ARL15: variants seen among roughly 807,000 people sequenced by gnomAD.
ARL15 encodes the protein ARF like GTPase 15.
Under a neutral mutation model 25.2 loss-of-function variants are expected in ARL15, and 19 were observed. The ratio of observed to expected loss-of-function variants is 0.75; its 90% confidence interval spans 0.53 to 1.10. The LOEUF (loss-of-function observed/expected upper bound fraction) is 1.10, where lower values mean the gene tolerates loss of function less well. ARL15 is among the 50% of genes least tolerant of loss of function. The pLI, the probability that ARL15 is intolerant of heterozygous loss-of-function variation, is 0.00. For missense variants in ARL15, 220 were observed against 246.0 expected, an observed-to-expected ratio of 0.89 and a Z score of 0.71; for synonymous variants, 94 against 86.8, an observed-to-expected ratio of 1.08 and a Z score of -0.46.
chr5:53,947,710 T>C (rs1442695076), intron 4 of ARL15, among the ~76,000 whole-genome samples: 1 of 152,126 alleles, frequency 6.6e-6, no homozygotes, highest in African/African-American at 2.4e-5. Flanking sequence ...CGAGGTCTAA[T>C]TAGAGACGGT....
chr5:54,248,027 A>C (rs563457445), intron 1 of ARL15, among the ~76,000 whole-genome samples: 2 of 152,028 alleles, frequency 1.3e-5, no homozygotes, highest in South Asian at 4.2e-4. Context: ...TATTTGATTA[A>C]AAAAAAATTA....
intron 1 of ARL15, among the ~76,000 whole-genome samples, chr5:54,223,764 A>T (rs572665589): frequency 6.6e-6 from 1 of 152,302 alleles, no homozygotes; most frequent in East Asian, 1.9e-4. Context: ...AAAAATTTAC[A>T]ATCTACCTCC....
chr5:54,255,902 G>C (rs1171439360), intron 1 of ARL15, among the ~76,000 whole-genome samples: 2 of 151,812 alleles, frequency 1.3e-5, no homozygotes, highest in East Asian at 3.9e-4. Flanking sequence ...AAAACCTCTG[G>C]GATACAGCAA....
At chr5:53,986,986 G>C (rs561897087) in intron 4 of ARL15, among the ~76,000 whole-genome samples, 40 of 152,246 alleles carry the variant, frequency 2.6e-4, no homozygotes, top group Non-Finnish European at 5.3e-4. Flanking sequence ...GGGTAGGGTG[G>C]TACAAAAGAA....
At chr5:54,023,957 A>G (rs914099902) in intron 4 of ARL15, among the ~76,000 whole-genome samples, 1 of 152,158 alleles carries the variant, frequency 6.6e-6, no homozygotes, top group Non-Finnish European at 1.5e-5. Context: ...AAAATCATTT[A>G]CTACTCTCCT....
chr5:54,075,838 G>A (rs1466904573), intron 4 of ARL15, among the ~76,000 whole-genome samples: 1 of 152,092 alleles, frequency 6.6e-6, no homozygotes, highest in Admixed American at 6.6e-5. Flanking sequence ...TTGTATTTAA[G>A]TTATACCCTT....
intron 2 of ARL15, 21 bp downstream of exon 2, chr5:54,171,763 G>A (rs1457484553): frequency 1.3e-6 from 2 of 1,592,378 alleles, no homozygotes; most frequent in Admixed American, 1.7e-5. Context: ...AGAAGGGACA[G>A]AACCCCAGCA....
chr5:53,984,832 A>C (rs1748236427), intron 4 of ARL15, among the ~76,000 whole-genome samples: 1 of 152,094 alleles, frequency 6.6e-6, no homozygotes, highest in Admixed American at 6.6e-5. Context: ...TTCATTTTCA[A>C]AGTGATTCCT....
At chr5:53,958,562 T>C (rs1028370356) in intron 4 of ARL15, among the ~76,000 whole-genome samples, 1 of 152,208 alleles carries the variant, frequency 6.6e-6, no homozygotes, top group Non-Finnish European at 1.5e-5. Context: ...GTTAAGATTC[T>C]TGTTGGTAGT....
chr5:53,909,637 C>T (rs1230140034), intron 4 of ARL15, among the ~76,000 whole-genome samples: 1 of 152,140 alleles, frequency 6.6e-6, no homozygotes, highest in African/African-American at 2.4e-5. Context: ...ACCTGGTAGG[C>T]GGAGGCTGTG....
intron 4 of ARL15, among the ~76,000 whole-genome samples, chr5:53,940,358 T>C (rs1451808205): frequency 6.6e-6 from 1 of 152,204 alleles, no homozygotes; most frequent in African/African-American, 2.4e-5. Flanking sequence ...TTTTCTTCAT[T>C]TGCTGAAAGA....
intron 4 of ARL15, among the ~76,000 whole-genome samples, chr5:54,084,499 A>G (rs1751900990): frequency 4.6e-5 from 7 of 151,886 alleles, no homozygotes; most frequent in Admixed American, 2.6e-4. Context: ...AGCACAACAG[A>G]AAGAACAATC....
intron 1 of ARL15, among the ~76,000 whole-genome samples, chr5:54,237,097 G>A (rs1756829586): frequency 6.6e-6 from 1 of 152,202 alleles, no homozygotes; most frequent in Admixed American, 6.5e-5. Context: ...CACGTGTTGT[G>A]GGAGGGACCT....
At position 53,999,480 on chromosome 5, in the gene ARL15, C is replaced by A. The variant is rs1038106036; in HGVS notation, c.463-112767G>T. 1.1e-4 allele frequency among the ~76,000 whole-genome samples: 16 copies of A among 152,186 alleles called. 1 individual carries two copies. Among genetic ancestry groups the A allele is most frequent in the African/African-American group, 3.6e-4 (15 of 41,514 alleles). On this transcript the variant is annotated intron_variant, in intron 4 of 4. Coordinates refer to ENST00000504924, the MANE Select transcript of ARL15 (RefSeq NM_019087.3). ...TGGTGCGGGCCTGTAATCCCAGCCA[C>A]TTGGGAGGCTGAGGCACGGAGAATC...
chr5:53,948,748 TG>T (rs1190428524), intron 4 of ARL15, among the ~76,000 whole-genome samples: 1 of 152,232 alleles, frequency 6.6e-6, no homozygotes, highest in Non-Finnish European at 1.5e-5. Context: ...AATACTTTTC[TG>T]GAAGCACAGG....
chr5:54,179,664 C>A (rs937342710), intron 1 of ARL15, among the ~76,000 whole-genome samples: 1 of 152,048 alleles, frequency 6.6e-6, no homozygotes. Flanking sequence ...CTCTCTTTCA[C>A]ACTGTTTGCT....
intron 3 of ARL15, among the ~76,000 whole-genome samples, chr5:54,121,480 A>G (rs1753073825): frequency 6.6e-6 from 1 of 152,196 alleles, no homozygotes; most frequent in Non-Finnish European, 1.5e-5. Context: ...ATCAATGTTT[A>G]ATTTTATAAT....
chr5:54,118,585 T>G (rs1176501609), intron 3 of ARL15, among the ~76,000 whole-genome samples: 1 of 152,204 alleles, frequency 6.6e-6, no homozygotes, highest in Non-Finnish European at 1.5e-5. Flanking sequence ...GGCATAAATT[T>G]AGAGCTAGTT....
chr5:54,310,218 A>C, intron 1 of ARL15: 1 of 538,708 alleles, frequency 1.9e-6, no homozygotes, highest in Non-Finnish European at 3.2e-6. Context: ...GTGCTGGCCC[A>C]GGCCGCACCT....
Sources: gnomAD v4.1 joint callset for allele counts (sites outside exome capture counted in the v4.1 genomes callset) on GRCh38, gnomAD v4.1.1 for gene constraint, MANE v1.5 for transcripts, NCBI Gene and HGNC (gene_info 2026-07-23, HGNC 2026-07-21) for gene names.